RARB: variants seen among roughly 807,000 people sequenced by gnomAD.
RARB encodes HBV-activated protein.
A neutral mutation model predicts 51.9 loss-of-function variants in RARB; 17 were observed. That is an observed-to-expected ratio of 0.33 (90% CI 0.22 to 0.49). RARB has a LOEUF of 0.49. Among genes scored for constraint, RARB ranks in the 20% least tolerant of loss-of-function variants. The pLI is 0.99. For missense variants in RARB, 369 were observed against 550.8 expected (o/e 0.67, Z 3.30); for synonymous variants, 215 against 195.4 (o/e 1.10, Z -0.84).
chr3:25,363,906 C>T (rs764711206), intron 5 of RARB, among the ~76,000 whole-genome samples: 5 of 152,236 alleles, frequency 3.3e-5, no homozygotes, highest in South Asian at 2.1e-4. Flanking sequence ...ACTCCCATCT[C>T]GGGTCCCTGG....
intron 3 of RARB, among the ~76,000 whole-genome samples, chr3:25,084,170 T>G (rs1038718215): frequency 2.6e-5 from 4 of 152,212 alleles, no homozygotes; most frequent in African/African-American, 9.6e-5. Context: ...AGCAGTTCCG[T>G]GTTCCAGTTG....
At chr3:25,416,098 TA>T (rs1168997976) in intron 5 of RARB, among the ~76,000 whole-genome samples, 1 of 152,170 alleles carries the variant, frequency 6.6e-6, no homozygotes, top group Non-Finnish European at 1.5e-5. Context: ...GGCATGCCAA[TA>T]TCTAAGCAAA....
chr3:25,248,987 C>T (rs981204368), intron 5 of RARB, among the ~76,000 whole-genome samples: 2 of 152,064 alleles, frequency 1.3e-5, no homozygotes, highest in African/African-American at 4.8e-5. Flanking sequence ...TCTTGCTAGA[C>T]TTAGGAAGTT....
intron 3 of RARB, among the ~76,000 whole-genome samples, chr3:25,521,483 A>G (rs1368341689): frequency 6.6e-5 from 10 of 152,286 alleles, no homozygotes; most frequent in Middle Eastern, 3.4e-3. Flanking sequence ...AGCTTCTAGG[A>G]TATTCTGGGG....
At position 25,332,294 on chromosome 3, in the gene RARB, G is replaced by A. The variant is rs369711398; in HGVS notation, c.179-128899G>A. On this transcript the variant is annotated intron_variant, in intron 5 of 11. Coordinates refer to the RARB transcript ENST00000383772. Reference sequence around the variant, plus strand: ...ATCCTCAATAAAATACTGGCAAACTGAATCCAGCAGCACATCAAAAAGGTT... The same window carrying A: ...ATCCTCAATAAAATACTGGCAAACTAAATCCAGCAGCACATCAAAAAGGTT... Among the ~76,000 whole-genome samples, 6 of 152,260 alleles carry A rather than the reference G, an allele frequency of 3.9e-5. No homozygotes were observed. The East Asian group carries it at 9.6e-4, about 24-fold the overall frequency.
At chr3:25,060,508 C>T (rs184445547) in intron 3 of RARB, among the ~76,000 whole-genome samples, 1 of 151,816 alleles carries the variant, frequency 6.6e-6, no homozygotes, top group African/African-American at 2.4e-5. Flanking sequence ...GTTACAGATA[C>T]TCAACCTTGC....
At chr3:24,981,271 C>T (rs563817330) in intron 2 of RARB, among the ~76,000 whole-genome samples, 20 of 152,300 alleles carry the variant, frequency 1.3e-4, no homozygotes, top group South Asian at 6.2e-4. Flanking sequence ...GGATCTTGAA[C>T]GCCATGTTGG....
chr3:25,311,941 A>G lies in RARB; in HGVS notation c.178+137366A>G, dbSNP rs147561082. 2.2e-3 allele frequency among the ~76,000 whole-genome samples: 340 copies of G among 152,314 alleles called. 5 individuals carry two copies. Among genetic ancestry groups the G allele is most frequent in the African/African-American group, 7.9e-3 (328 of 41,574 alleles). On this transcript the variant is annotated intron_variant, in intron 5 of 11. Coordinates refer to the RARB transcript ENST00000383772. ...TCAAGTCAGTTACCCTGAAATCCCA[A>G]TACAAAAGTTCAAGTAAAACACAAC...
rs544576734 is a variant in RARB, at chr3:25,033,322, T to G, written c.-379-26803T>G. 1.4e-4 allele frequency among the ~76,000 whole-genome samples: 21 copies of G among 152,326 alleles called. No homozygotes were observed. In the East Asian group the frequency reaches 3.5e-3, roughly 25 times the overall value. Reference sequence around the variant, plus strand: ...CTATTGTTAAAGATAGCTGTATTAGTCAAGGTCTCAGAATAAATTATTTCT... The same window carrying G: ...CTATTGTTAAAGATAGCTGTATTAGGCAAGGTCTCAGAATAAATTATTTCT... On this transcript the variant is annotated intron_variant, in intron 2 of 11. Coordinates refer to the RARB transcript ENST00000383772.
At chr3:25,401,519 G>C (rs949017769) in intron 5 of RARB, among the ~76,000 whole-genome samples, 1 of 152,140 alleles carries the variant, frequency 6.6e-6, no homozygotes, top group Non-Finnish European at 1.5e-5. Flanking sequence ...GCAATGTGCT[G>C]AATATATTTA....
intron 5 of RARB, among the ~76,000 whole-genome samples, chr3:25,274,371 C>T (rs1212395018): frequency 2.0e-5 from 3 of 147,226 alleles, no homozygotes; most frequent in Non-Finnish European, 4.4e-5. Flanking sequence ...CAGGGTGGTG[C>T]CCTTCCAGTC....
chr3:25,428,594 C>T lies in RARB; in HGVS notation c.-138C>T. The T allele has an allele frequency of 1.4e-6, 2 of 1,392,254 alleles. No homozygotes were observed. The highest frequency in any genetic ancestry group is 1.9e-5 in the South Asian group (1 of 52,316). 86.2% of individuals were successfully genotyped at this position (1,392,254 alleles called of 1,614,324 possible). Reference sequence around the variant, plus strand: ...GGCTTGTCTGTCATAATTCATGATTCGGGGCTGGGAAAAAGACCAACAGCC... The same window carrying T: ...GGCTTGTCTGTCATAATTCATGATTTGGGGCTGGGAAAAAGACCAACAGCC... On this transcript the variant is annotated 5_prime_UTR_variant, in exon 1 of 8. Coordinates refer to ENST00000330688, the MANE Select transcript of RARB (RefSeq NM_000965.5).
chr3:25,241,729 G>T (rs1324929066), intron 5 of RARB, among the ~76,000 whole-genome samples: 1 of 152,130 alleles, frequency 6.6e-6, no homozygotes, highest in African/African-American at 2.4e-5. Context: ...TCGGCATTTG[G>T]GTTGGTTCCA....
chr3:25,097,000 A>G (rs1024390445), intron 3 of RARB, among the ~76,000 whole-genome samples: 21 of 152,196 alleles, frequency 1.4e-4, no homozygotes, highest in Non-Finnish European at 2.6e-4. Flanking sequence ...AGCCAAGAAT[A>G]AAAGAGGTAT....
intron 5 of RARB, among the ~76,000 whole-genome samples, chr3:25,188,293 G>A (rs1267318342): frequency 3.3e-5 from 5 of 152,064 alleles, no homozygotes; most frequent in Admixed American, 2.0e-4. Flanking sequence ...TTGGCACATA[G>A]TAGGTGCTCA....
rs138887308 is a variant in RARB, at chr3:24,899,375, G to A, written c.-380+40623G>A. On this transcript the variant is annotated intron_variant, in intron 2 of 11. Coordinates refer to the RARB transcript ENST00000383772. Reference sequence around the variant, plus strand: ...GAGTGGATTCGGCAGCCTAGAATAGGTACTCAGTTATCTCCCAGCGCTTCC... The same window carrying A: ...GAGTGGATTCGGCAGCCTAGAATAGATACTCAGTTATCTCCCAGCGCTTCC... Among the ~76,000 whole-genome samples, 997 of 152,290 alleles carry A rather than the reference G, an allele frequency of 6.5e-3. 6 individuals are homozygous for A. Among genetic ancestry groups the A allele is most frequent in the Non-Finnish European group, 0.012 (801 of 68,026 alleles).
At chr3:25,050,115 A>G (rs1033925500) in intron 2 of RARB, among the ~76,000 whole-genome samples, 1 of 152,220 alleles carries the variant, frequency 6.6e-6, no homozygotes, top group Admixed American at 6.5e-5. Flanking sequence ...GCATATGCCA[A>G]GCTTGTATGA....
intron 3 of RARB, among the ~76,000 whole-genome samples, chr3:25,555,767 G>A (rs972855341): frequency 5.9e-5 from 9 of 152,124 alleles, no homozygotes; most frequent in Non-Finnish European, 1.0e-4. Flanking sequence ...AGATGGCCCC[G>A]GGGATGTTGG....
intron 3 of RARB, among the ~76,000 whole-genome samples, chr3:25,102,078 G>T (rs1699410162): frequency 6.6e-6 from 1 of 152,146 alleles, no homozygotes; most frequent in Non-Finnish European, 1.5e-5. Flanking sequence ...GATTTTGAAA[G>T]ATATGTACAG....
Sources: allele counts gnomAD v4.1 joint callset (sites outside exome capture counted in the v4.1 genomes callset), GRCh38; gene constraint gnomAD v4.1.1; transcripts MANE v1.5; gene names NCBI Gene and HGNC (gene_info 2026-07-23, HGNC 2026-07-21).